Variants in ALDH4A1 observed in about 807,000 individuals in gnomAD.
The protein encoded by ALDH4A1 is aldehyde dehydrogenase 4 family member A1.
A neutral mutation model predicts 70.5 loss-of-function variants in ALDH4A1; 46 were observed. The ratio of observed to expected loss-of-function variants is 0.65; its 90% CI spans 0.51 to 0.83. ALDH4A1 has a LOEUF of 0.83. Ranked by LOEUF, ALDH4A1 falls within the 40% of genes least tolerant of loss-of-function variation. The pLI is 0.00. For missense variants in ALDH4A1, 749 were observed against 766.5 expected (o/e 0.98, Z 0.27); for synonymous variants, 323 against 324.3 (o/e 1.00, Z 0.04).
rs1033193785 is a variant in ALDH4A1, at chr1:18,886,504, T to C, written c.257A>G (p.Asn86Ser). Residue 86 changes from asparagine (N) to serine (S), a missense_variant, in exon 4 of 15, where the codon AAC becomes AGC. Asn to Ser is a conservative substitution (Grantham distance 46, BLOSUM62 1). Coordinates refer to ENST00000375341, the MANE Select transcript of ALDH4A1 (RefSeq NM_003748.4). ...GAACTTGGCCACCTTATGTCCATGG[T>C]TAAAAGGCTGAAAGGAGAGAAGAGT... ...SDVQYQVSPF[N>S]HGHKVAKFCY... The C allele has an allele frequency of 6.2e-7, 1 of 1,613,840 alleles. No individual in the cohort carries two copies. Among genetic ancestry groups the C allele is most frequent in the Non-Finnish European group, 8.5e-7 (1 of 1,179,984 alleles).
At chr1:18,889,676 C>T (rs1935358937) in intron 2 of ALDH4A1, among the ~76,000 whole-genome samples, 2 of 152,224 alleles carry the variant, frequency 1.3e-5, no homozygotes. Flanking sequence ...CTACCCATGA[C>T]ACAGAGATAA....
chr1:18,876,985 G>A (rs529587576), intron 11 of ALDH4A1, among the ~76,000 whole-genome samples: 2 of 152,270 alleles, frequency 1.3e-5, no homozygotes, highest in African/African-American at 4.8e-5. Context: ...TTAGGAGCTC[G>A]CTGAGCCTGG....
At chr1:18,877,930 C>T (rs1450046317) in intron 9 of ALDH4A1, among the ~76,000 whole-genome samples, 1 of 152,170 alleles carries the variant, frequency 6.6e-6, no homozygotes, top group Non-Finnish European at 1.5e-5. Flanking sequence ...CAGATGAGAA[C>T]CCAAGGCCCC....
intron 14 of ALDH4A1, 124 bp from the exon 15 acceptor site, chr1:18,873,081 G>A: frequency 1.2e-6 from 1 of 819,222 alleles, no homozygotes; most frequent in Non-Finnish European, 2.0e-6. Context: ...CTGCTGCCAA[G>A]CTTGGGGCAT....
In ALDH4A1 at chr1:18,872,623, G is replaced by A. The variant is rs1934487311; in HGVS notation, c.*222C>T. 3 of 475,498 alleles carry A rather than the reference G, an allele frequency of 6.3e-6. No homozygotes were observed. Among genetic ancestry groups the A allele is most frequent in the South Asian group, 3.3e-5 (1 of 30,598 alleles). The allele number at this position is 475,498 out of a possible 1,614,324, so 29.5% of individuals were successfully genotyped here. A position where few individuals can be genotyped will look rare whatever the true frequency, so the allele number is the denominator to read the frequency against. Reference sequence around the variant, plus strand: ...CCAGGGTCATACCTCCCACATGGCCGATGGGATAAGGGGTAGTGGCCATGT... The same window carrying A: ...CCAGGGTCATACCTCCCACATGGCCAATGGGATAAGGGGTAGTGGCCATGT... On this transcript the variant is annotated 3_prime_UTR_variant, in exon 15 of 15. Transcript: ENST00000375341.
chr1:18,890,969 T>C, intron 1 of ALDH4A1: 26 of 910,278 alleles, frequency 2.9e-5, no homozygotes, highest in Non-Finnish European at 3.4e-5. Context: ...TGAGCTCAGC[T>C]CACAGCCCCG....
intron 3 of ALDH4A1, 27 bp from the exon 4 acceptor site, chr1:18,886,538 T>G (rs1228291901): frequency 6.2e-7 from 1 of 1,612,960 alleles, no homozygotes; most frequent in Non-Finnish European, 8.5e-7. Flanking sequence ...GTGAGGTCCT[T>G]GCCCGGGAGG....
At chr1:18,899,075 G>A (rs1935716196) in intron 1 of ALDH4A1, among the ~76,000 whole-genome samples, 1 of 152,196 alleles carries the variant, frequency 6.6e-6, no homozygotes, top group Non-Finnish European at 1.5e-5. Context: ...GCCTTGCCAA[G>A]GCCACAAAGC....
intron 1 of ALDH4A1, among the ~76,000 whole-genome samples, chr1:18,893,217 C>T (rs1935503268): frequency 6.6e-6 from 1 of 152,236 alleles, no homozygotes; most frequent in Non-Finnish European, 1.5e-5. Context: ...TGCTCCATGA[C>T]CTCAGTGCAT....
chr1:18,882,844 G>A (rs1188613483), intron 7 of ALDH4A1, among the ~76,000 whole-genome samples: 3 of 152,220 alleles, frequency 2.0e-5, no homozygotes, highest in Admixed American at 1.3e-4. Flanking sequence ...TCACAACCCA[G>A]TCATGGAGGC....
rs1369584990 is a variant in ALDH4A1 at position 18,874,644 on chromosome 1, C to A, written c.1461-63G>T. ...ATCTCCCCTCCAGCCCCAGCTCCAGCCTCAACACCCCTGCTCCAGCCCACA... is the reference window on the plus strand; with the variant it reads ...ATCTCCCCTCCAGCCCCAGCTCCAGACTCAACACCCCTGCTCCAGCCCACA... On this transcript the variant is annotated intron_variant, in intron 13 of 14. Transcript: ENST00000375341. The A allele has an allele frequency of 6.0e-6, 9 of 1,490,032 alleles. No homozygotes were observed. In the East Asian group the frequency reaches 2.0e-4, roughly 34 times the overall value. The allele number at this position is 1,490,032 out of a possible 1,614,324, so 92.3% of individuals were successfully genotyped here.
At chr1:18,897,329 G>A (rs944916028) in intron 1 of ALDH4A1, among the ~76,000 whole-genome samples, 1 of 152,192 alleles carries the variant, frequency 6.6e-6, no homozygotes, top group Non-Finnish European at 1.5e-5. Flanking sequence ...GATCACTTGA[G>A]GTCAGGAGTT....
At chr1:18,887,577 C>T (rs900902677) in intron 3 of ALDH4A1, among the ~76,000 whole-genome samples, 6 of 151,846 alleles carry the variant, frequency 4.0e-5, no homozygotes, top group East Asian at 3.9e-4. Context: ...CCAGCCTGGG[C>T]GACAGAGCGA....
chr1:18,883,781 C>A (rs1935085949), intron 5 of ALDH4A1, among the ~76,000 whole-genome samples: 1 of 152,184 alleles, frequency 6.6e-6, no homozygotes, highest in South Asian at 2.1e-4. Flanking sequence ...AATTCAGGAT[C>A]AGAGCCTTCC....
rs955068831 is a variant in ALDH4A1, at chr1:18,880,359, C to T, written c.867-986G>A. On this transcript the variant is annotated intron_variant, in intron 8 of 14. Coordinates refer to ENST00000375341, the MANE Select transcript of ALDH4A1 (RefSeq NM_003748.4). This position sits in a 1 kb window ranked among gnomAD's most constrained non-coding sequence, Gnocchi z 5.1. The stretch of plus-strand genomic sequence containing the variant: ...CGCCCTCCCAGGTGCCCATCTTGAA[C>T]ATTCTCGCTGACAACCCCCCTCATC... 6.6e-6 allele frequency among the ~76,000 whole-genome samples: 1 copy of T among 152,144 alleles called. No homozygotes were observed. The highest frequency in any genetic ancestry group is 1.5e-5 in the Non-Finnish European group (1 of 68,002).
chr1:18,887,627 C>G (rs930294618), intron 3 of ALDH4A1, among the ~76,000 whole-genome samples: 1 of 152,082 alleles, frequency 6.6e-6, no homozygotes, highest in Non-Finnish European at 1.5e-5. Context: ...CCTATCATAT[C>G]TTGCTGGGTA....
At chr1:18,900,804 T>A (rs1016908292) in intron 1 of ALDH4A1, 91 of 946,262 alleles carry the variant, frequency 9.6e-5, no homozygotes, top group Non-Finnish European at 1.1e-4. Context: ...TTAGACCAAA[T>A]GTAATTTCAG....
chr1:18,883,287 C>T lies in ALDH4A1; in HGVS notation c.595G>A (p.Gly199Ser). 1 of 1,613,266 alleles carries T rather than the reference C, an allele frequency of 6.2e-7. No individual in the cohort carries two copies. Among genetic ancestry groups the T allele is most frequent in the Non-Finnish European group, 8.5e-7 (1 of 1,180,034 alleles). ...PPSTNSTVYR[G>S]LEGFVAAISP... ...CTGCCTCCTGCAGGTACCTCCAGAC[C>T]CCGGTACACCGTGCTGTTGGTGCTC... Residue 199 changes from glycine (G) to serine (S), a missense_variant, in exon 6 of 15, where the codon GGT (glycine) becomes AGT (serine). Physicochemically the swap from Gly to Ser is moderately conservative, Grantham distance 56. Transcript: ENST00000375341.
intron 2 of ALDH4A1, 93 bp downstream of exon 2, chr1:18,889,919 T>A: frequency 9.0e-7 from 1 of 1,110,464 alleles, no homozygotes; most frequent in Non-Finnish European, 1.3e-6. Context: ...AAGCGGGTGA[T>A]GGCTGCAGGC....
Sources: gnomAD v4.1 joint callset for allele counts (sites outside exome capture counted in the v4.1 genomes callset) on GRCh38, gnomAD v4.1.1 for gene constraint, Gnocchi (gnomAD v3.1) non-coding constraint, MANE v1.5 for transcripts, NCBI Gene and HGNC (gene_info 2026-07-23, HGNC 2026-07-21) for gene names.